Variants in NFATC2 observed in about 807,000 individuals in gnomAD.
NFATC2 encodes nuclear factor of activated T-cells, cytoplasmic 2.
Under a neutral mutation model 87.3 loss-of-function variants are expected in NFATC2, and 22 were observed. That is an observed-to-expected ratio of 0.25 (90% CI 0.18 to 0.36). NFATC2 has a LOEUF of 0.36. Ranked by LOEUF, NFATC2 falls within the 10% of genes least tolerant of loss-of-function variation. The pLI, the probability that NFATC2 is intolerant of heterozygous loss-of-function variation, is 1.00. For missense variants in NFATC2, 1,149 were observed against 1,259.1 expected (o/e 0.91, Z 1.32); for synonymous variants, 565 against 542.2 (o/e 1.04, Z -0.58).
At chr20:51,482,577 A>C (rs539255442) in intron 3 of NFATC2, among the ~76,000 whole-genome samples, 3 of 152,334 alleles carry the variant, frequency 2.0e-5, no homozygotes. Flanking sequence ...GGGGTACAAT[A>C]TGTGATGCTT....
intron 9 of NFATC2, among the ~76,000 whole-genome samples, chr20:51,400,765 G>A (rs181846538): frequency 9.9e-5 from 15 of 152,242 alleles, no homozygotes; most frequent in South Asian, 2.1e-4. Context: ...AGACATCTCC[G>A]GGGGTGGTGG....
chr20:51,499,963 C>A (rs2076051945), intron 3 of NFATC2, among the ~76,000 whole-genome samples: 1 of 152,052 alleles, frequency 6.6e-6, no homozygotes, highest in Non-Finnish European at 1.5e-5. Context: ...CTTTTCTAAC[C>A]TCTGCCTTTA....
At position 51,560,100 on chromosome 20, in the gene NFATC2, A is replaced by C. The variant is rs534255360; in HGVS notation, c.70+2460T>G. On this transcript the variant is annotated intron_variant, in intron 1 of 10. Transcript: ENST00000414705. ...CCACAGCCTCAGTTTATTGTTTTGC[A>C]TCTTTAATATAACAGGATTTGTAGC... Among the ~76,000 whole-genome samples, 36 of 152,362 alleles carry C rather than the reference A, an allele frequency of 2.4e-4. 1 individual carries two copies. In the South Asian group the frequency reaches 7.5e-3, roughly 32 times the overall value.
chr20:51,550,529 T>A (rs1256555612), intron 1 of NFATC2, among the ~76,000 whole-genome samples: 1 of 151,988 alleles, frequency 6.6e-6, no homozygotes, highest in Non-Finnish European at 1.5e-5. Flanking sequence ...AGGTGGAGGT[T>A]GCAGTGAGCC....
At chr20:51,517,023 T>A in intron 2 of NFATC2, 68 bp from the exon 3 acceptor site, 2 of 1,456,128 alleles carry the variant, frequency 1.4e-6, no homozygotes, top group East Asian at 2.4e-5. Flanking sequence ...ACAATAATTG[T>A]AAACGGCCCT....
chr20:51,390,088 G>A lies in NFATC2; in HGVS notation c.*1408C>T, dbSNP rs1424184623. ...AAATCACACCCACAGAGGAAGACTA[G>A]GGGAGACTGGGTGCGCTCAGTGGAA... On this transcript the variant is annotated 3_prime_UTR_variant, in exon 11 of 11. Transcript: ENST00000371564. The A allele has an allele frequency of 1.3e-5, 1 of 79,656 alleles. No individual in the cohort carries two copies. 4.9% of individuals were successfully genotyped at this position (79,656 alleles called of 1,614,324 possible).
At chr20:51,540,564 G>C (rs2076790667) in intron 1 of NFATC2, among the ~76,000 whole-genome samples, 1 of 151,306 alleles carries the variant, frequency 6.6e-6, no homozygotes, top group African/African-American at 2.4e-5. Context: ...ATAACACGGG[G>C]AAACAGGGTA....
chr20:51,394,912 G>T (rs144607165), intron 10 of NFATC2, among the ~76,000 whole-genome samples: 1 of 152,196 alleles, frequency 6.6e-6, no homozygotes, highest in South Asian at 2.1e-4. Flanking sequence ...GCCCTCACTC[G>T]CTCCAAAAGC....
At chr20:51,550,294 T>C (rs1419100418) in intron 1 of NFATC2, among the ~76,000 whole-genome samples, 2 of 151,934 alleles carry the variant, frequency 1.3e-5, no homozygotes, top group African/African-American at 4.8e-5. Flanking sequence ...GTCTAAAAAA[T>C]AATAATAATA....
In NFATC2 at chr20:51,523,841, C is replaced by G. The variant is rs756346154; in HGVS notation, c.400G>C (p.Gly134Arg). ...AGGGGCGGCTGCTCCACCAGGAGGC[C>G]CGCGTCTCTCATGCGGAGGGGCCCC... The part of the protein sequence containing the change: ...AVGPLRMRDA[G>R]LLVEQPPLAG... The change falls in exon 2 of 11, where the codon GGC (glycine) becomes CGC (arginine). Residue 134 changes from glycine to arginine, a missense_variant. By Grantham distance (125) the Gly-to-Arg change is moderately radical. Around this residue, in one of 3 missense-constraint regions of NFATC2, gnomAD observed 563 missense variants for 585.2 expected, o/e 0.96. Transcript: ENST00000371564. This position sits in a 1 kb window ranked among gnomAD's most constrained non-coding sequence, Gnocchi z 6.9. 1 of 1,610,718 alleles carries G rather than the reference C, an allele frequency of 6.2e-7. No homozygotes were observed. The highest frequency in any genetic ancestry group is 8.5e-7 in the Non-Finnish European group (1 of 1,178,506).
rs573370687 is a variant in NFATC2, at chr20:51,560,419, A to G, written c.70+2141T>C. 2.0e-5 allele frequency among the ~76,000 whole-genome samples: 3 copies of G among 152,230 alleles called. No individual in the cohort carries two copies. The East Asian group carries it at 5.8e-4, about 29-fold the overall frequency. On this transcript the variant is annotated intron_variant, in intron 1 of 10. Transcript: ENST00000414705. ...AAATACTTTCCATCATCTCACTCAG[A>G]TAAAACTGAACACACCTCTTTCAGA...
Position 51,432,685 on chromosome 20 carries a change from G to T in NFATC2, c.2104C>A (p.Leu702Met). 1 of 1,577,898 alleles carries T rather than the reference G, an allele frequency of 6.3e-7. No homozygotes were observed. Among genetic ancestry groups the T allele is most frequent in the East Asian group, 2.2e-5 (1 of 44,642 alleles). Residue 702 changes from leucine (L) to methionine (M), a missense_variant, in exon 9 of 11, where the codon CTG (leucine) becomes ATG (methionine). By Grantham distance (15) the Leu-to-Met change is conservative (BLOSUM62 2). Coordinates refer to ENST00000371564, the MANE Select transcript of NFATC2 (RefSeq NM_012340.5). This position sits in a 1 kb window ranked among gnomAD's most constrained non-coding sequence, Gnocchi z 4.6. The part of the protein sequence containing the change: ...TLICSPTHGG[L>M]GSQPYYPQHP... ...TGGGGGTAGTAAGGCTGGCTCCCCA[G>T]GCCTCCATGGGTGGGGCTGCAGATC...
At chr20:51,484,067 G>A (rs1989499870) in intron 3 of NFATC2, among the ~76,000 whole-genome samples, 1 of 151,978 alleles carries the variant, frequency 6.6e-6, no homozygotes, top group Admixed American at 6.6e-5. Flanking sequence ...ATATGATCTG[G>A]CCCTGCTTCT....
intron 7 of NFATC2, 48 bp downstream of exon 7, chr20:51,435,658 G>A (rs1983450550): frequency 6.4e-6 from 10 of 1,574,538 alleles, no homozygotes; most frequent in Non-Finnish European, 8.7e-6. Flanking sequence ...CATGAAAGAG[G>A]GAAACGTGAG....
rs1269743214 is a variant in NFATC2, at chr20:51,391,230, G to A, written c.*266C>T. On this transcript the variant is annotated 3_prime_UTR_variant, in exon 11 of 11. Coordinates refer to ENST00000371564, the MANE Select transcript of NFATC2 (RefSeq NM_012340.5). ...AAAGAAGAGTTCTCTCTGGTGTTTA[G>A]AGGGAGGTGGCGAGCTCCTTAAGTG... is the stretch of plus-strand genomic sequence containing the variant. 1.3e-6 allele frequency: 1 copy of A among 752,236 alleles called. No individual in the cohort carries two copies. 46.6% of individuals were successfully genotyped at this position (752,236 alleles called of 1,614,324 possible). A position where few individuals can be genotyped will look rare whatever the true frequency, so the allele number is the denominator to read the frequency against.
At chr20:51,397,134 C>T (rs987139889) in intron 10 of NFATC2, among the ~76,000 whole-genome samples, 2 of 152,186 alleles carry the variant, frequency 1.3e-5, no homozygotes, top group Non-Finnish European at 2.9e-5. Flanking sequence ...CTTGCCTCGG[C>T]CTCCCAAAGT....
intron 3 of NFATC2, among the ~76,000 whole-genome samples, chr20:51,497,028 AG>A (rs2076000330): frequency 6.6e-6 from 1 of 152,204 alleles, no homozygotes; most frequent in African/African-American, 2.4e-5. Flanking sequence ...GGTTCTGCAG[AG>A]GGCTTCAAGT....
intron 9 of NFATC2, among the ~76,000 whole-genome samples, chr20:51,401,447 A>G (rs1053704856): frequency 1.3e-5 from 2 of 152,238 alleles, no homozygotes; most frequent in African/African-American, 2.4e-5. Flanking sequence ...AGACCAGTCT[A>G]AAAGAGGCCA....
chr20:51,525,502 T>C (rs2076528857), intron 1 of NFATC2, among the ~76,000 whole-genome samples: 1 of 151,932 alleles, frequency 6.6e-6, no homozygotes, highest in Admixed American at 6.6e-5. Flanking sequence ...GCTTGGGAAA[T>C]TCCCACGGAG....
Sources: allele counts gnomAD v4.1 joint callset (sites outside exome capture counted in the v4.1 genomes callset), GRCh38; gene constraint gnomAD v4.1.1; regional missense constraint gnomAD v4.1.1; non-coding constraint Gnocchi (gnomAD v3.1); transcripts MANE v1.5; gene names NCBI Gene and HGNC (gene_info 2026-07-23, HGNC 2026-07-21).